The following ADGRB2 variants were observed in gnomAD, a reference collection of about 807,000 sequenced individuals.
ADGRB2 encodes adhesion G protein-coupled receptor B2, also known as brain-specific angiogenesis inhibitor 2.
Under a neutral mutation model 178.7 loss-of-function variants are expected in ADGRB2, and 47 were observed. The observed-to-expected ratio is 0.26, with a 90% CI of 0.21 to 0.34. The LOEUF (loss-of-function observed/expected upper bound fraction) is 0.34, where lower values mean the gene tolerates loss of function less well. Among genes scored for constraint, ADGRB2 ranks in the 10% least tolerant of loss-of-function variants. The probability of loss-of-function intolerance (pLI) is 1.00; values close to 1 mark genes in which losing one functional copy is unlikely to be tolerated. For synonymous variants in ADGRB2, 870 were observed against 912.4 expected, an observed-to-expected ratio of 0.95 and a Z score of 0.84; for missense variants, 1,584 against 2,180.8, an observed-to-expected ratio of 0.73 and a Z score of 5.45.
rs1645241151 is a variant in ADGRB2, at chr1:31,730,789, C to T, written c.4380+11G>A. 2 of 1,493,816 alleles carry T rather than the reference C, an allele frequency of 1.3e-6. No individual in the cohort carries two copies. The highest frequency in any genetic ancestry group is 1.4e-5 in the African/African-American group (1 of 71,238). 92.5% of individuals were successfully genotyped at this position (1,493,816 alleles called of 1,614,324 possible). On this transcript the variant is annotated intron_variant, in intron 29 of 32. Coordinates refer to ENST00000373658, the MANE Select transcript of ADGRB2 (RefSeq NM_001364857.2). The stretch of plus-strand genomic sequence containing the variant: ...TCTCAGACACACACCCCATTCCCTA[C>T]AGCCCCTCACCTCCAGGGAGCCCAT...
In ADGRB2 at chr1:31,727,822, T is replaced by A; in HGVS notation, c.4572+203A>T. 1 of 870,594 alleles carries A rather than the reference T, an allele frequency of 1.1e-6. No homozygotes were observed. The highest frequency in any genetic ancestry group is 1.7e-6 in the Non-Finnish European group (1 of 585,826). 53.9% of individuals were successfully genotyped at this position (870,594 alleles called of 1,614,324 possible). On this transcript the variant is annotated intron_variant, in intron 32 of 32. Coordinates refer to ENST00000373658, the MANE Select transcript of ADGRB2 (RefSeq NM_001364857.2). This position sits in a 1 kb window ranked among gnomAD's most constrained non-coding sequence, Gnocchi z 4.4. ...CCAGGACATGTCTCCTGCTGACCACTCTCCCTCCCAATCCTGGAGGACCTC... is the reference window on the plus strand; with the variant it reads ...CCAGGACATGTCTCCTGCTGACCACACTCCCTCCCAATCCTGGAGGACCTC...
rs186740027 is a variant in ADGRB2, at chr1:31,735,569, C to A, written c.3353+11G>T. ...TCCAGAAAGGCCAAGTCTCAGAGGCCCCCCCCTTACCCGGCCCTCTGCTTC... is the reference window on the plus strand; with the variant it reads ...TCCAGAAAGGCCAAGTCTCAGAGGCACCCCCCTTACCCGGCCCTCTGCTTC... On this transcript the variant is annotated intron_variant, in intron 24 of 32. Transcript: ENST00000373658. This position sits in a 1 kb window ranked among gnomAD's most constrained non-coding sequence, Gnocchi z 6.0. 4.9e-5 allele frequency: 79 copies of A among 1,613,502 alleles called. No homozygotes were observed. The highest frequency in any genetic ancestry group is 2.2e-4 in the South Asian group (20 of 91,058).
rs751192081 is a variant in ADGRB2, at chr1:31,744,598, GCACA to G, written c.922+46_922+49del. ...ACACCAAGCACACACACCACCAGACGCACACAGTCGGGCCCCCGCCGCAGAGGAA... is the reference window on the plus strand; with the variant it reads ...ACACCAAGCACACACACCACCAGACGCAGTCGGGCCCCCGCCGCAGAGGAA... On this transcript the variant is annotated intron_variant, in intron 5 of 32. Coordinates refer to ENST00000373658, the MANE Select transcript of ADGRB2 (RefSeq NM_001364857.2). The surrounding 1 kb of genome is among the most constrained non-coding windows in gnomAD (Gnocchi z 6.7). 1 of 1,589,958 alleles carries G rather than the reference GCACA, an allele frequency of 6.3e-7. No individual in the cohort carries two copies.
chr1:31,730,729 T>A, intron 29 of ADGRB2, 71 bp downstream of exon 29: 1 of 1,409,040 alleles, frequency 7.1e-7, no homozygotes, highest in Non-Finnish European at 9.3e-7. Flanking sequence ...AGGATGAGGC[T>A]GTCCCCTCCT....
At chr1:31,737,844 T>A (rs1340970009) in intron 18 of ADGRB2, 89 bp from the exon 19 acceptor site, 1 of 1,211,808 alleles carries the variant, frequency 8.3e-7, no homozygotes, top group Non-Finnish European at 1.2e-6. Context: ...TAGACTGGCA[T>A]ACCCACAGGC....
Position 31,755,680 on chromosome 1 carries a change from G to C in ADGRB2, c.838+319C>G, listed in dbSNP as rs1557788970. On this transcript the variant is annotated intron_variant, in intron 4 of 32. Coordinates refer to ENST00000373658, the MANE Select transcript of ADGRB2 (RefSeq NM_001364857.2). This position sits in a 1 kb window ranked among gnomAD's most constrained non-coding sequence, Gnocchi z 5.1. Reference sequence around the variant, plus strand: ...GAATGCCCTCATCTCACTTCTGCTTGTCCTTCAGGTCTCTGTTCCTGTATT... The same window carrying C: ...GAATGCCCTCATCTCACTTCTGCTTCTCCTTCAGGTCTCTGTTCCTGTATT... 6.6e-6 allele frequency among the ~76,000 whole-genome samples: 1 copy of C among 151,700 alleles called. No individual in the cohort carries two copies. The highest frequency in any genetic ancestry group is 2.0e-4 in the East Asian group (1 of 5,124).
At chr1:31,739,768 A>G (rs1301027601) in intron 14 of ADGRB2, 133 bp from the exon 15 acceptor site, 1 of 1,197,150 alleles carries the variant, frequency 8.4e-7, no homozygotes, top group African/African-American at 1.5e-5. Flanking sequence ...TGGTACAAAC[A>G]CAGAGACAGA....
Position 31,756,064 on chromosome 1 carries a change from G to T in ADGRB2, c.773C>A (p.Pro258Gln), listed in dbSNP as rs761660040. Residue 258 changes from proline (P) to glutamine (Q), a missense_variant, in exon 4 of 33, where the codon CCA becomes CAA. Physicochemically the swap from Pro to Gln is moderately conservative, Grantham distance 76. Transcript: ENST00000373658. The surrounding 1 kb of genome is among the most constrained non-coding windows in gnomAD (Gnocchi z 8.5). ...SNALVPGGPA[P>Q]PAEADLHSGS... ...CGAGTGCAAATCGGCCTCAGCAGGT[G>T]GGGCTGGGCCCCCGGGCACCAGGGC... The T allele has an allele frequency of 1.9e-6, 3 of 1,614,076 alleles. No individual in the cohort carries two copies. The highest frequency in any genetic ancestry group is 2.5e-6 in the Non-Finnish European group (3 of 1,180,006).
Position 31,756,780 on chromosome 1 carries a change from G to A in ADGRB2, c.57C>T (p.Leu19=). 6.6e-7 allele frequency: 1 copy of A among 1,509,606 alleles called. No homozygotes were observed. Among genetic ancestry groups the A allele is most frequent in the Non-Finnish European group, 8.9e-7 (1 of 1,125,988 alleles). 93.5% of individuals were successfully genotyped at this position (1,509,606 alleles called of 1,614,324 possible). A position where few individuals can be genotyped will look rare whatever the true frequency, so the allele number is the denominator to read the frequency against. ...GCAGGGACAGAATCACAGACAGTAA[G>A]AGGGGACAGGCTGGGGTCATCCTAT... ...KGHRMTPACP[L]LLSVILSLRL... The change falls in exon 4 of 33, where the codon CTC becomes CTT. Residue 19 remains leucine, a synonymous_variant. Coordinates refer to ENST00000373658, the MANE Select transcript of ADGRB2 (RefSeq NM_001364857.2). The surrounding 1 kb of genome is among the most constrained non-coding windows in gnomAD (Gnocchi z 8.5).
At position 31,740,343 on chromosome 1, in the gene ADGRB2, G is replaced by GT. The variant is rs1399404585; in HGVS notation, c.1989+3dup. The GT allele has an allele frequency of 6.2e-7, 1 of 1,610,728 alleles. No individual in the cohort carries two copies. Among genetic ancestry groups the GT allele is most frequent in the Non-Finnish European group, 8.5e-7 (1 of 1,178,010 alleles). ...CCTCCGCCCTCCTTCCTCCTAGGCAGTACCTGCACATCATCAGCCGAGGGC... is the reference window on the plus strand; with the variant it reads ...CCTCCGCCCTCCTTCCTCCTAGGCAGTTACCTGCACATCATCAGCCGAGGGC... On this transcript the variant is annotated splice_donor_region_variant and intron_variant, in intron 12 of 32. Transcript: ENST00000373658. The surrounding 1 kb of genome is among the most constrained non-coding windows in gnomAD (Gnocchi z 5.9).
rs1372001450 is a variant in ADGRB2, at chr1:31,744,994, A to G, written c.839-263T>C. Reference sequence around the variant, plus strand: ...CTTGCCTCAGCCAGATGTGGGGGAGATTTAAGGGGCATGGCTGCCCATATG... The same window carrying G: ...CTTGCCTCAGCCAGATGTGGGGGAGGTTTAAGGGGCATGGCTGCCCATATG... On this transcript the variant is annotated intron_variant, in intron 4 of 32. Coordinates refer to ENST00000373658, the MANE Select transcript of ADGRB2 (RefSeq NM_001364857.2). This position sits in a 1 kb window ranked among gnomAD's most constrained non-coding sequence, Gnocchi z 6.7. Among the ~76,000 whole-genome samples the G allele has an allele frequency of 6.6e-6, 1 of 152,148 alleles. No homozygotes were observed. The highest frequency in any genetic ancestry group is 6.5e-5 in the Admixed American group (1 of 15,280).
In ADGRB2 at chr1:31,756,102, G is replaced by A. The variant is rs1377776430; in HGVS notation, c.735C>T (p.His245=). 2 of 1,613,890 alleles carry A rather than the reference G, an allele frequency of 1.2e-6. No individual in the cohort carries two copies. Among genetic ancestry groups the A allele is most frequent in the African/African-American group, 2.7e-5 (2 of 74,944 alleles). The change falls in exon 4 of 33, where the codon CAC becomes CAT. Residue 245 remains histidine (H), a synonymous_variant. Coordinates refer to ENST00000373658, the MANE Select transcript of ADGRB2 (RefSeq NM_001364857.2). This position sits in a 1 kb window ranked among gnomAD's most constrained non-coding sequence, Gnocchi z 8.5. ...TTTSPGPPAA[H]TLSNALVPGG... ...CGGGCACCAGGGCATTGGACAGGGT[G>A]TGGGCAGCAGGAGGGCCTGGAGATG... is the stretch of plus-strand genomic sequence containing the variant.
In ADGRB2 at chr1:31,739,288, C is replaced by T; in HGVS notation, c.2495+20G>A. 2.1e-6 allele frequency: 3 copies of T among 1,444,602 alleles called. No homozygotes were observed. The highest frequency in any genetic ancestry group is 1.4e-5 in the African/African-American group (1 of 69,718). The allele number at this position is 1,444,602 out of a possible 1,614,324, so 89.5% of individuals were successfully genotyped here. ...TTCCTGGACCCTCAGCAGCCCCAGC[C>T]ACCCATCCCCAGGACTCACCTGGGA... is the stretch of plus-strand genomic sequence containing the variant. On this transcript the variant is annotated intron_variant, in intron 15 of 32. Transcript: ENST00000373658.
chr1:31,753,813 A>T lies in ADGRB2; in HGVS notation c.838+2186T>A, dbSNP rs1646703235. ...TCTCACACCAGAAAGGTTGGGCAGG[A>T]GGGAGGGGATGGCAGAATAGAAGAG... is the stretch of plus-strand genomic sequence containing the variant. On this transcript the variant is annotated intron_variant, in intron 4 of 32. Transcript: ENST00000373658. This position sits in a 1 kb window ranked among gnomAD's most constrained non-coding sequence, Gnocchi z 4.1. Among the ~76,000 whole-genome samples the T allele has an allele frequency of 6.6e-6, 1 of 152,132 alleles. No homozygotes were observed. The highest frequency in any genetic ancestry group is 1.5e-5 in the Non-Finnish European group (1 of 68,014).
At position 31,754,398 on chromosome 1, in the gene ADGRB2, T is replaced by C. The variant is rs116271086; in HGVS notation, c.838+1601A>G. Among the ~76,000 whole-genome samples, 1,553 of 152,332 alleles carry C rather than the reference T, an allele frequency of 0.01. 28 individuals carry two copies. Among genetic ancestry groups the C allele is most frequent in the African/African-American group, 0.035 (1,450 of 41,574 alleles). On this transcript the variant is annotated intron_variant, in intron 4 of 32. Coordinates refer to ENST00000373658, the MANE Select transcript of ADGRB2 (RefSeq NM_001364857.2). The surrounding 1 kb of genome is among the most constrained non-coding windows in gnomAD (Gnocchi z 5.7). ...AGAACCCGCCTGCAGCTGAGCACGA[T>C]GGGGGAGACCCCCACAGAGTGACAG...
intron 1 of ADGRB2, 78 bp downstream of exon 1, chr1:31,763,806 G>C (rs1647121019): frequency 1.0e-6 from 1 of 985,314 alleles, no homozygotes; most frequent in African/African-American, 1.7e-5. Context: ...CCCCGAGTCC[G>C]GGCCGGTGCG....
At chr1:31,730,410 C>T (rs763706055) in intron 29 of ADGRB2, among the ~76,000 whole-genome samples, 5 of 152,174 alleles carry the variant, frequency 3.3e-5, no homozygotes, top group Non-Finnish European at 7.3e-5. Flanking sequence ...ACTTTACACA[C>T]GAGAAAATGA....
chr1:31,739,676 A>C, intron 14 of ADGRB2, 41 bp from the exon 15 acceptor site: 3 of 1,539,994 alleles, frequency 1.9e-6, no homozygotes, highest in Non-Finnish European at 2.6e-6. Context: ...ACAGAGGGGC[A>C]GAAACAAAGG....
intron 7 of ADGRB2, 43 bp downstream of exon 7, chr1:31,742,795 G>A (rs1646049790): frequency 7.2e-7 from 1 of 1,383,686 alleles, no homozygotes; most frequent in Non-Finnish European, 9.4e-7. Flanking sequence ...ACCCCCCACC[G>A]GGCTGGGCAG....
Sources: allele counts gnomAD v4.1 joint callset (sites outside exome capture counted in the v4.1 genomes callset), GRCh38; gene constraint gnomAD v4.1.1; non-coding constraint Gnocchi (gnomAD v3.1); transcripts MANE v1.5; gene names NCBI Gene and HGNC (gene_info 2026-07-23, HGNC 2026-07-21).